The following PSMA1 variants were observed in gnomAD, a reference collection of about 807,000 sequenced individuals.
The protein encoded by PSMA1 is proteasome 20S subunit alpha 1, also known as proteasome subunit alpha type-1.
A neutral mutation model predicts 38.4 loss-of-function variants in PSMA1; 3 were observed. The ratio of observed to expected loss-of-function variants is 0.08; its 90% CI spans 0.04 to 0.20. The LOEUF is 0.20. Ranked by LOEUF, PSMA1 falls within the 10% of genes least tolerant of loss-of-function variation. PSMA1 has a pLI of 1.00. For synonymous variants in PSMA1, 101 were observed against 107.1 expected (o/e 0.94, Z 0.35); for missense variants, 227 against 325.3 (o/e 0.70, Z 2.32).
intron 2 of PSMA1, among the ~76,000 whole-genome samples, chr11:14,609,013 G>A (rs1011148367): frequency 1.3e-5 from 2 of 152,126 alleles, no homozygotes; most frequent in African/African-American, 4.8e-5. Context: ...TGTGGTGTTC[G>A]TTTCCCTCAG....
At chr11:14,582,248 G>A (rs1852289750) in intron 2 of PSMA1, among the ~76,000 whole-genome samples, 2 of 152,028 alleles carry the variant, frequency 1.3e-5, no homozygotes, top group Admixed American at 1.3e-4. Flanking sequence ...TTGAACTCTT[G>A]GAGATTTAGG....
intron 1 of PSMA1, among the ~76,000 whole-genome samples, chr11:14,634,450 A>T (rs1455111808): frequency 6.6e-6 from 1 of 151,912 alleles, no homozygotes; most frequent in Non-Finnish European, 1.5e-5. Flanking sequence ...ATGAAAGGGG[A>T]TATGTTTTTT....
chr11:14,562,983 A>G (rs1852027394), intron 2 of PSMA1, among the ~76,000 whole-genome samples: 1 of 152,158 alleles, frequency 6.6e-6, no homozygotes, highest in East Asian at 1.9e-4. Context: ...AAGTGTTATT[A>G]TGTCATTTAT....
rs1270055084 is a variant in PSMA1 at position 14,557,829 on chromosome 11, C to T, written c.22-38788G>A. On this transcript the variant is annotated intron_variant, in intron 2 of 10. Transcript: ENST00000418988. ...TGGGAAGAAGATCTGGGGATCTAAA[C>T]GGTCATTATAAAGCTTTCAAATAAT... Among the ~76,000 whole-genome samples the T allele has an allele frequency of 2.6e-5, 4 of 152,110 alleles. No homozygotes were observed. In the South Asian group the frequency reaches 6.2e-4, roughly 24 times the overall value.
chr11:14,539,641 G>A (rs1276690947), intron 2 of PSMA1, among the ~76,000 whole-genome samples: 3 of 152,014 alleles, frequency 2.0e-5, no homozygotes. Context: ...GTCAGGAGAT[G>A]GAGACCATCC....
At chr11:14,536,499 C>T (rs929920298) in intron 2 of PSMA1, among the ~76,000 whole-genome samples, 10 of 151,706 alleles carry the variant, frequency 6.6e-5, no homozygotes, top group African/African-American at 2.2e-4. Flanking sequence ...TGCACTCCAG[C>T]CTGGGCGAAA....
intron 9 of PSMA1, 132 bp downstream of exon 9, chr11:14,507,524 A>C: frequency 1.5e-6 from 1 of 684,420 alleles, no homozygotes; most frequent in Non-Finnish European, 2.5e-6. Context: ...CTCAGTTCTT[A>C]ATTTTCCTGT....
chr11:14,623,234 A>G lies in PSMA1; in HGVS notation c.-165-12083T>C, dbSNP rs550180457. 7.2e-5 allele frequency among the ~76,000 whole-genome samples: 11 copies of G among 152,360 alleles called. No homozygotes were observed. In the South Asian group the frequency reaches 2.3e-3, roughly 32 times the overall value. On this transcript the variant is annotated intron_variant, in intron 1 of 10. Coordinates refer to the PSMA1 transcript ENST00000418988. ...CCTTCCCTAGCTTGTTCCTATGGCC[A>G]TATGGGGGCCCCGTAAGACCAACTG...
intron 1 of PSMA1, among the ~76,000 whole-genome samples, chr11:14,623,667 G>T (rs989496021): frequency 7.2e-5 from 11 of 152,170 alleles, no homozygotes; most frequent in African/African-American, 2.7e-4. Flanking sequence ...AACCAGACCA[G>T]TTTATATAAG....
rs193113211 is a variant in PSMA1 at position 14,553,895 on chromosome 11, A to G, written c.22-34854T>C. 1.9e-3 allele frequency among the ~76,000 whole-genome samples: 288 copies of G among 152,276 alleles called. 1 individual carries two copies. Among genetic ancestry groups the G allele is most frequent in the African/African-American group, 6.2e-3 (256 of 41,578 alleles). On this transcript the variant is annotated intron_variant, in intron 2 of 10. Transcript: ENST00000418988. ...AAGTTTAGATTTTTAAGAAATTGCC[A>G]AACTATTTTGCAGAGTGGCTATACC...
chr11:14,587,718 C>T lies in PSMA1; in HGVS notation c.21+23248G>A, dbSNP rs537732697. 2.0e-5 allele frequency among the ~76,000 whole-genome samples: 3 copies of T among 151,866 alleles called. No homozygotes were observed. The South Asian group carries it at 6.2e-4, about 32-fold the overall frequency. On this transcript the variant is annotated intron_variant, in intron 2 of 10. Transcript: ENST00000418988. ...TTATTCTATGAACTTGTTTAAGTTA[C>T]TTAATTTCATTCTTAAACTAGGGGT...
intron 1 of PSMA1, among the ~76,000 whole-genome samples, chr11:14,633,154 A>G (rs1415039743): frequency 2.7e-5 from 4 of 149,726 alleles, no homozygotes; most frequent in African/African-American, 4.9e-5. Flanking sequence ...GTCATTCTCC[A>G]TCCAGCTTTG....
chr11:14,520,507 C>T (rs1457589866), upstream of PSMA1: 12 of 1,429,028 alleles, frequency 8.4e-6, no homozygotes, highest in Non-Finnish European at 1.1e-5. Flanking sequence ...CGGGCGGAGC[C>T]TCGGAAGATC....
intron 2 of PSMA1, among the ~76,000 whole-genome samples, chr11:14,600,127 G>A (rs1852561009): frequency 6.6e-6 from 1 of 152,272 alleles, no homozygotes; most frequent in South Asian, 2.1e-4. Context: ...CTTCGTCCCA[G>A]AGAGGCAGCC....
intron 2 of PSMA1, among the ~76,000 whole-genome samples, chr11:14,600,237 A>G (rs1852563146): frequency 6.6e-6 from 1 of 152,220 alleles, no homozygotes; most frequent in African/African-American, 2.4e-5. Flanking sequence ...GTCCGTTCTC[A>G]GAGCTCAAAC....
chr11:14,516,538 T>C (rs1251953797), intron 4 of PSMA1, among the ~76,000 whole-genome samples: 3 of 152,238 alleles, frequency 2.0e-5, no homozygotes, highest in Non-Finnish European at 2.9e-5. Context: ...ATTTACAAGA[T>C]TAGTTTTAGC....
At chr11:14,511,808 GC>G (rs1340495142) in intron 7 of PSMA1, among the ~76,000 whole-genome samples, 1 of 152,132 alleles carries the variant, frequency 6.6e-6, no homozygotes, top group Non-Finnish European at 1.5e-5. Context: ...TCCAGCCACG[GC>G]AGTTAGAAAG....
intron 2 of PSMA1, among the ~76,000 whole-genome samples, chr11:14,540,524 A>G (rs371310059): frequency 6.6e-6 from 1 of 152,242 alleles, no homozygotes; most frequent in African/African-American, 2.4e-5. Context: ...TCAGTTCTAC[A>G]CATACTACCT....
At chr11:14,635,680 A>C (rs1282327860) in intron 1 of PSMA1, among the ~76,000 whole-genome samples, 1 of 152,222 alleles carries the variant, frequency 6.6e-6, no homozygotes, top group Non-Finnish European at 1.5e-5. Context: ...CAATGATCTT[A>C]CCATCGGAAT....
Sources: allele counts gnomAD v4.1 joint callset (sites outside exome capture counted in the v4.1 genomes callset), GRCh38; gene constraint gnomAD v4.1.1; transcripts MANE v1.5; gene names NCBI Gene and HGNC (gene_info 2026-07-23, HGNC 2026-07-21).